UBE2G1: variants seen among roughly 807,000 people sequenced by gnomAD.
UBE2G1 encodes ubiquitin conjugating enzyme E2 G1.
In UBE2G1, 5 loss-of-function variants were observed where a neutral mutation model predicts 22.7. That is an observed-to-expected ratio of 0.22 (90% confidence interval 0.12 to 0.46). The LOEUF (loss-of-function observed/expected upper bound fraction) is 0.46. Ranked by LOEUF, UBE2G1 falls within the 20% of genes least tolerant of loss-of-function variation. The pLI is 0.99. For synonymous variants in UBE2G1, 74 were observed against 67.5 expected (o/e 1.10, Z -0.47); for missense variants, 88 against 203.9 (o/e 0.43, Z 3.46).
At chr17:4,320,463 T>TA (rs1039393684) in intron 1 of UBE2G1, among the ~76,000 whole-genome samples, 8 of 152,196 alleles carry the variant, frequency 5.3e-5, no homozygotes, top group African/African-American at 1.4e-4. Context: ...ACTTGCAACT[T>TA]AAAGTATATA....
intron 1 of UBE2G1, among the ~76,000 whole-genome samples, chr17:4,338,220 A>G (rs1263584154): frequency 2.6e-5 from 4 of 151,754 alleles, no homozygotes; most frequent in African/African-American, 4.8e-5. Flanking sequence ...ATGGGAGGGG[A>G]AAAAAAACAG....
At chr17:4,353,462 T>TATACAC (rs990958855) in intron 1 of UBE2G1, among the ~76,000 whole-genome samples, 4 of 148,194 alleles carry the variant, frequency 2.7e-5, no homozygotes, top group Admixed American at 1.4e-4. Flanking sequence ...TATATATATA[T>TATACAC]ACACACACAC....
intron 1 of UBE2G1, among the ~76,000 whole-genome samples, chr17:4,347,469 C>CTTTTTTTTTTTTT (rs34014821): frequency 6.7e-5 from 6 of 89,528 alleles, no homozygotes; most frequent in Admixed American, 1.5e-4. Flanking sequence ...AGTATTTCTT[C>CTTTTTTTTTTTTT]TTTTTTTTTT....
intron 5 of UBE2G1, among the ~76,000 whole-genome samples, chr17:4,274,851 G>A (rs1476717364): frequency 1.3e-5 from 2 of 151,234 alleles, no homozygotes; most frequent in African/African-American, 4.9e-5. Context: ...CCAGGAGTTC[G>A]AGACCAGCCT....
intron 1 of UBE2G1, among the ~76,000 whole-genome samples, chr17:4,309,530 A>G (rs1024957218): frequency 6.6e-6 from 1 of 152,260 alleles, no homozygotes; most frequent in Non-Finnish European, 1.5e-5. Flanking sequence ...GCATATGTGT[A>G]CTGAGCGCCA....
At chr17:4,276,988 G>A (rs1968829046) in intron 5 of UBE2G1, among the ~76,000 whole-genome samples, 1 of 152,182 alleles carries the variant, frequency 6.6e-6, no homozygotes. Context: ...AAGCACCAGC[G>A]ATTCCTACAG....
At chr17:4,289,829 C>T (rs545236667) in intron 3 of UBE2G1, among the ~76,000 whole-genome samples, 5 of 152,080 alleles carry the variant, frequency 3.3e-5, no homozygotes, top group South Asian at 2.1e-4. Flanking sequence ...ACTAACTTAC[C>T]GACTTAAATT....
rs528321530 is a variant in UBE2G1 at position 4,348,483 on chromosome 17, G to A, written c.46+17788C>T. On this transcript the variant is annotated intron_variant, in intron 1 of 5. Transcript: ENST00000396981. ...CAGGAGAATGGCGTGAATCCGGGAG[G>A]CAGAGCTTGCAGTGAGCCGAGATCC... Among the ~76,000 whole-genome samples, 33 of 149,622 alleles carry A rather than the reference G, an allele frequency of 2.2e-4. No individual in the cohort carries two copies. In the South Asian group the frequency reaches 6.1e-3, roughly 28 times the overall value.
chr17:4,341,860 T>G (rs1393794921), intron 1 of UBE2G1, among the ~76,000 whole-genome samples: 4 of 152,210 alleles, frequency 2.6e-5, no homozygotes. Context: ...CTTTCTTCAC[T>G]TGGCTTAAAG....
At chr17:4,279,222 C>G (rs1968854061) in intron 5 of UBE2G1, among the ~76,000 whole-genome samples, 1 of 150,422 alleles carries the variant, frequency 6.6e-6, no homozygotes. Flanking sequence ...TTGCAGTGAG[C>G]TGAGATCACG....
chr17:4,355,605 A>C (rs1324305041), intron 1 of UBE2G1, among the ~76,000 whole-genome samples: 1 of 145,348 alleles, frequency 6.9e-6, no homozygotes, highest in African/African-American at 2.5e-5. Flanking sequence ...TCGTGCCACT[A>C]CACTCCAGCC....
At chr17:4,284,834 C>CTTTT (rs200271235) in intron 4 of UBE2G1, among the ~76,000 whole-genome samples, 2 of 83,488 alleles carry the variant, frequency 2.4e-5, no homozygotes, top group Non-Finnish European at 4.6e-5. Flanking sequence ...CTTTTCTTTT[C>CTTTT]TTTCTTTTTT....
At chr17:4,363,001 T>C (rs1969986766) in intron 1 of UBE2G1, among the ~76,000 whole-genome samples, 2 of 152,078 alleles carry the variant, frequency 1.3e-5, no homozygotes, top group Non-Finnish European at 2.9e-5. Flanking sequence ...AGGGCTTCTG[T>C]AATCCCAGCA....
chr17:4,322,114 C>A (rs1205667176), intron 1 of UBE2G1, among the ~76,000 whole-genome samples: 1 of 152,108 alleles, frequency 6.6e-6, no homozygotes, highest in Non-Finnish European at 1.5e-5. Context: ...AGTGGATTCA[C>A]ATAAAATGCA....
intron 1 of UBE2G1, among the ~76,000 whole-genome samples, chr17:4,322,108 G>A (rs1969447254): frequency 6.6e-6 from 1 of 152,114 alleles, no homozygotes; most frequent in African/African-American, 2.4e-5. Context: ...ATAAGAAGTG[G>A]ATTCACATAA....
At chr17:4,287,600 T>C (rs899656943) in intron 4 of UBE2G1, among the ~76,000 whole-genome samples, 1 of 152,218 alleles carries the variant, frequency 6.6e-6, no homozygotes, top group Non-Finnish European at 1.5e-5. Context: ...AATTCTATTA[T>C]TAATTTCAGT....
intron 5 of UBE2G1, among the ~76,000 whole-genome samples, chr17:4,276,116 C>G (rs183434624): frequency 1.3e-4 from 20 of 152,272 alleles, no homozygotes; most frequent in Admixed American, 4.6e-4. Context: ...GCAATGTCAC[C>G]AGCAGCCCTA....
At chr17:4,362,995 C>A (rs1309340533) in intron 1 of UBE2G1, among the ~76,000 whole-genome samples, 2 of 152,096 alleles carry the variant, frequency 1.3e-5, no homozygotes, top group Admixed American at 1.3e-4. Flanking sequence ...CAGTGGAGGG[C>A]TTCTGTAATC....
intron 1 of UBE2G1, among the ~76,000 whole-genome samples, chr17:4,353,809 C>G (rs1049875627): frequency 7.4e-6 from 1 of 135,706 alleles, no homozygotes; most frequent in Non-Finnish European, 1.5e-5. Flanking sequence ...CGTGCCCGGT[C>G]AAATTTTTTT....
Sources: gnomAD v4.1 joint callset for allele counts (sites outside exome capture counted in the v4.1 genomes callset) on GRCh38, gnomAD v4.1.1 for gene constraint, MANE v1.5 for transcripts, NCBI Gene and HGNC (gene_info 2026-07-23, HGNC 2026-07-21) for gene names.